The following RTN3 variants were observed in gnomAD, a reference collection of about 807,000 sequenced individuals.
RTN3 encodes reticulon 3, also known as reticulon-3.
In RTN3, 49 loss-of-function variants were observed where a neutral mutation model predicts 77.8. That is an observed-to-expected ratio of 0.63 (90% CI 0.50 to 0.80). The LOEUF is 0.80. Among genes scored for constraint, RTN3 ranks in the 30% least tolerant of loss-of-function variants. The probability of loss-of-function intolerance (pLI) is 0.00; values close to 1 mark genes in which losing one functional copy is unlikely to be tolerated. For synonymous variants in RTN3, 464 were observed against 446.9 expected, an observed-to-expected ratio of 1.04 and a Z score of -0.48; for missense variants, 1,236 against 1,211.9, an observed-to-expected ratio of 1.02 and a Z score of -0.29.
In RTN3 at chr11:63,719,611, A is replaced by T. The variant is rs890879613; in HGVS notation, c.1109A>T (p.Tyr370Phe). The change falls in exon 3 of 9, where the codon TAT becomes TTT. Residue 370 changes from tyrosine to phenylalanine, a missense_variant. Physicochemically the swap from Tyr to Phe is conservative, Grantham distance 22. Coordinates refer to ENST00000377819, the MANE Select transcript of RTN3 (RefSeq NM_001265589.2). ...TKTTGLDMSE[Y>F]NSEIPVVNLK... ...ACTACAGGACTTGACATGAGTGAAT[A>T]TAATTCAGAAATTCCAGTTGTAAAT... 6.2e-7 allele frequency: 1 copy of T among 1,613,866 alleles called. No individual in the cohort carries two copies. The highest frequency in any genetic ancestry group is 1.7e-5 in the Admixed American group (1 of 59,964).
At chr11:63,689,905 G>A (rs1349524896) in intron 1 of RTN3, among the ~76,000 whole-genome samples, 1 of 151,940 alleles carries the variant, frequency 6.6e-6, no homozygotes, top group Non-Finnish European at 1.5e-5. Flanking sequence ...TTGCAGGCTT[G>A]TGCCACCATG....
At chr11:63,689,245 A>G (rs1238439368) in intron 1 of RTN3, among the ~76,000 whole-genome samples, 1 of 152,220 alleles carries the variant, frequency 6.6e-6, no homozygotes, top group African/African-American at 2.4e-5. Context: ...TTTTAGACAA[A>G]AATTAGCAGG....
At chr11:63,727,448 AAAG>A (rs1418593918) in intron 3 of RTN3, among the ~76,000 whole-genome samples, 2 of 152,118 alleles carry the variant, frequency 1.3e-5, no homozygotes, top group African/African-American at 2.4e-5. Flanking sequence ...ATTGAATAAA[AAAG>A]AAAATCTCAA....
In RTN3 at chr11:63,719,221, A is replaced by G; in HGVS notation, c.719A>G (p.Glu240Gly). Residue 240 changes from glutamate to glycine, a missense_variant, in exon 3 of 9, where the codon GAA becomes GGA. Physicochemically the swap from Glu to Gly is moderately conservative, Grantham distance 98 (BLOSUM62 -2). Around this residue, in one of 3 missense-constraint regions of RTN3, gnomAD observed 1,056 missense variants for 990.4 expected, o/e 1.07. Transcript: ENST00000377819. ...PSKVSGDDVIEKDSPESPFEV... is the reference protein window; with the variant it reads ...PSKVSGDDVIGKDSPESPFEV... ...AAAGTTTCAGGAGATGATGTTATTG[A>G]AAAGGATTCCCCTGAATCACCATTT... 3.7e-6 allele frequency: 6 copies of G among 1,614,178 alleles called. No homozygotes were observed. The highest frequency in any genetic ancestry group is 1.7e-5 in the Admixed American group (1 of 60,026).
chr11:63,712,483 A>AT (rs34923509), intron 2 of RTN3, among the ~76,000 whole-genome samples: 39 of 90,376 alleles, frequency 4.3e-4, no homozygotes, highest in African/African-American at 1.0e-3. Context: ...AAGGACTTTG[A>AT]TTTTTTTTTT....
chr11:63,711,384 ATTTTT>A (rs199782558), intron 2 of RTN3, among the ~76,000 whole-genome samples: 1 of 144,058 alleles, frequency 6.9e-6, no homozygotes, highest in Admixed American at 7.0e-5. Flanking sequence ...TGGGTTTTTT[ATTTTT>A]TTTTTGTTAT....
Position 63,758,297 on chromosome 11 carries a change from T to C in RTN3, c.*96T>C. On this transcript the variant is annotated 3_prime_UTR_variant, in exon 9 of 9. Transcript: ENST00000377819. ...ATGAAGGAAAATACTCAGTGTCAGCTTGAGCCTGCATTCCAAGCTTTTTTT... is the reference window on the plus strand; with the variant it reads ...ATGAAGGAAAATACTCAGTGTCAGCCTGAGCCTGCATTCCAAGCTTTTTTT... 6.2e-7 allele frequency: 1 copy of C among 1,613,646 alleles called. No homozygotes were observed. The highest frequency in any genetic ancestry group is 2.2e-5 in the East Asian group (1 of 44,872).
At chr11:63,725,135 C>G (rs2012149518) in intron 3 of RTN3, among the ~76,000 whole-genome samples, 1 of 152,082 alleles carries the variant, frequency 6.6e-6, no homozygotes, top group South Asian at 2.1e-4. Flanking sequence ...CTCCATCTCC[C>G]CTTCCCCAGA....
intron 3 of RTN3, among the ~76,000 whole-genome samples, chr11:63,740,151 A>G (rs537013074): frequency 3.9e-5 from 6 of 152,296 alleles, no homozygotes; most frequent in Non-Finnish European, 4.4e-5. Flanking sequence ...CTGTCTCCGT[A>G]TATCATTTAC....
chr11:63,693,447 GTAC>G (rs1941771996), intron 1 of RTN3, among the ~76,000 whole-genome samples: 1 of 151,934 alleles, frequency 6.6e-6, no homozygotes, highest in South Asian at 2.1e-4. Context: ...TCGCACCATT[GTAC>G]TCCAGCCTGG....
At chr11:63,725,257 C>T (rs74547690) in intron 3 of RTN3, among the ~76,000 whole-genome samples, 2,642 of 151,972 alleles carry the variant, frequency 0.017, 74 homozygotes, top group African/African-American at 0.061. Flanking sequence ...TGTTGTATAA[C>T]GTTTTCCATT....
At chr11:63,730,503 T>C (rs551705528) in intron 3 of RTN3, among the ~76,000 whole-genome samples, 87 of 152,342 alleles carry the variant, frequency 5.7e-4, no homozygotes, top group African/African-American at 2.0e-3. Flanking sequence ...ATTGACAGAA[T>C]TGGCTGGGCA....
rs71468640 is a variant in RTN3 at position 63,735,550 on chromosome 11, T to TTCTCTCTCTCTCTCTCTCTC, written c.2531-14409_2531-14390dup. Among the ~76,000 whole-genome samples the TTCTCTCTCTCTCTCTCTCTC allele has an allele frequency of 4.3e-3, 184 of 42,720 alleles. 31 individuals are homozygous for TTCTCTCTCTCTCTCTCTCTC. Among genetic ancestry groups the TTCTCTCTCTCTCTCTCTCTC allele is most frequent in the South Asian group, 7.4e-3 (5 of 680 alleles). The allele number at this position is 42,720 out of a possible 152,430, so 28.0% of individuals were successfully genotyped here. ...AATTCAAAGTCCCAGATTCTAACATTTCTCTCTCTCTCTCTCTCTCTCTCT... is the reference window on the plus strand; with the variant it reads ...AATTCAAAGTCCCAGATTCTAACATTTCTCTCTCTCTCTCTCTCTCTCTCTCTCTCTCTCTCTCTCTCTCT... On this transcript the variant is annotated intron_variant, in intron 3 of 8. Coordinates refer to ENST00000377819, the MANE Select transcript of RTN3 (RefSeq NM_001265589.2).
intron 3 of RTN3, among the ~76,000 whole-genome samples, chr11:63,725,606 G>A (rs1427042989): frequency 2.0e-5 from 3 of 151,874 alleles, no homozygotes; most frequent in African/African-American, 4.8e-5. Flanking sequence ...CTGCTACCAC[G>A]CCCAGCTAAT....
chr11:63,754,859 T>C (rs12418951), intron 7 of RTN3, among the ~76,000 whole-genome samples: 7,835 of 134,982 alleles, frequency 0.058, 348 homozygotes, highest in Admixed American at 0.12. Flanking sequence ...ACCTGGGAGG[T>C]GGAGCTTGCA....
Position 63,719,339 on chromosome 11 carries a change from T to A in RTN3, c.837T>A (p.Thr279=). 6.2e-7 allele frequency: 1 copy of A among 1,614,198 alleles called. No individual in the cohort carries two copies. Among genetic ancestry groups the A allele is most frequent in the Non-Finnish European group, 8.5e-7 (1 of 1,180,028 alleles). ...ATTTTGGTAGCTGGTCTGTGCACAC[T>A]GATAAAGAATCATCCGAAGACATTT... ...TDDFGSWSVH[T]DKESSEDISE... Residue 279 remains threonine (T), a synonymous_variant, in exon 3 of 9, where the codon ACT becomes ACA. Transcript: ENST00000377819.
intron 3 of RTN3, among the ~76,000 whole-genome samples, chr11:63,724,373 C>A (rs55739490): frequency 1.5e-3 from 221 of 145,716 alleles, no homozygotes; most frequent in Non-Finnish European, 2.2e-3. Context: ...TTAGTACAGA[C>A]GGGGTTTCAC....
chr11:63,747,594 G>C (rs2013871946), intron 3 of RTN3, among the ~76,000 whole-genome samples: 1 of 152,100 alleles, frequency 6.6e-6, no homozygotes, highest in Admixed American at 6.5e-5. Context: ...GTGTTTTATT[G>C]AATCAAGTTA....
chr11:63,712,269 GTC>G (rs1345368887), intron 2 of RTN3, among the ~76,000 whole-genome samples: 1 of 152,164 alleles, frequency 6.6e-6, no homozygotes, highest in Non-Finnish European at 1.5e-5. Context: ...GTGGTCTGGA[GTC>G]TCTATGTCAA....
Sources: gnomAD v4.1 joint callset for allele counts (sites outside exome capture counted in the v4.1 genomes callset) on GRCh38, gnomAD v4.1.1 for gene constraint, gnomAD v4.1.1 regional missense constraint, MANE v1.5 for transcripts, NCBI Gene and HGNC (gene_info 2026-07-23, HGNC 2026-07-21) for gene names.